Variants in WDR4 observed in about 807,000 individuals in gnomAD.
The protein encoded by WDR4 is WDR4 tRNA N7-guanosine methyltransferase non-catalytic subunit, also known as tRNA (guanine-N(7)-)-methyltransferase non-catalytic subunit WDR4.
In WDR4, 47 loss-of-function variants were observed where a neutral mutation model predicts 48.6. The observed-to-expected ratio is 0.97, with a 90% CI of 0.77 to 1.23. The LOEUF (loss-of-function observed/expected upper bound fraction) is 1.23, where lower values mean the gene tolerates loss of function less well. Ranked by LOEUF, WDR4 falls within the 50% of genes most tolerant of loss-of-function variation. The probability of loss-of-function intolerance (pLI) is 0.00; values close to 1 mark genes in which losing one functional copy is unlikely to be tolerated. For missense variants in WDR4, 606 were observed against 551.6 expected (o/e 1.10, Z -0.99); for synonymous variants, 268 against 230.0 (o/e 1.17, Z -1.49).
Position 42,855,571 on chromosome 21 carries a change from C to G in WDR4, c.726+111G>C, listed in dbSNP as rs1223779582. 4.0e-6 allele frequency: 3 copies of G among 752,714 alleles called. No homozygotes were observed. In the African/African-American group the frequency reaches 5.3e-5, roughly 13 times the overall value. 46.6% of individuals were successfully genotyped at this position (752,714 alleles called of 1,614,324 possible). ...AGATTTCCCTCACACAGGAGGAAGT[C>G]TGGCATTGAGAGCAAACGTTTCCAA... On this transcript the variant is annotated intron_variant, in intron 7 of 10. Coordinates refer to ENST00000398208, the MANE Select transcript of WDR4 (RefSeq NM_018669.6).
chr21:42,877,932 C>T (rs994835980), intron 1 of WDR4, among the ~76,000 whole-genome samples: 3 of 151,120 alleles, frequency 2.0e-5, no homozygotes, highest in Admixed American at 2.0e-4. Context: ...GCAGTCCCAA[C>T]TACTCGGGAG....
upstream of WDR4, chr21:42,879,604 G>A (rs373733965): frequency 7.4e-7 from 1 of 1,357,198 alleles, no homozygotes; most frequent in Admixed American, 2.0e-5. Context: ...TATACCCCAC[G>A]TACCGCGCAT....
intron 3 of WDR4, among the ~76,000 whole-genome samples, chr21:42,866,960 G>A (rs536018440): frequency 2.8e-4 from 43 of 152,282 alleles, no homozygotes; most frequent in African/African-American, 1.0e-3. Context: ...CCAAGGTCAG[G>A]AGAAACCCCA....
At chr21:42,885,339 G>A in the WDR4 span, among the ~76,000 whole-genome samples, 1,625 of 152,116 alleles carry the variant, frequency 0.011, 18 homozygotes, top group African/African-American at 0.036. Context: ...GGCCTGGCAC[G>A]GTGGCTCATG....
intron 6 of WDR4, 114 bp downstream of exon 6, chr21:42,859,548 C>T: frequency 7.7e-6 from 10 of 1,294,208 alleles, no homozygotes; most frequent in Non-Finnish European, 1.1e-5. Context: ...TAGTGGACAG[C>T]CACAGCCAGC....
intron 9 of WDR4, among the ~76,000 whole-genome samples, chr21:42,852,896 C>T (rs1216302678): frequency 6.8e-6 from 1 of 146,206 alleles, no homozygotes; most frequent in East Asian, 2.0e-4. Flanking sequence ...GCCTGGGCAA[C>T]ACGAGCAAAA....
the WDR4 span, among the ~76,000 whole-genome samples, chr21:42,884,903 G>A: frequency 6.6e-6 from 1 of 152,014 alleles, no homozygotes; most frequent in Admixed American, 6.6e-5. Flanking sequence ...AGCCTCCCAA[G>A]TAGCTGGGAT....
At position 42,858,207 on chromosome 21, in the gene WDR4, C is replaced by T. The variant is rs8129071; in HGVS notation, c.627+1455G>A. 5.9e-5 allele frequency among the ~76,000 whole-genome samples: 9 copies of T among 152,184 alleles called. No individual in the cohort carries two copies. In the East Asian group the frequency reaches 9.7e-4, roughly 16 times the overall value. The stretch of plus-strand genomic sequence containing the variant: ...AATCATGTAAGAAAATGCCCCAGGT[C>T]GGAGGACACTGAAAATCACTGGCTG... On this transcript the variant is annotated intron_variant, in intron 6 of 10. Coordinates refer to ENST00000398208, the MANE Select transcript of WDR4 (RefSeq NM_018669.6).
rs542289921 is a variant in WDR4 at position 42,858,694 on chromosome 21, C to A, written c.627+968G>T. On this transcript the variant is annotated intron_variant, in intron 6 of 10. Coordinates refer to ENST00000398208, the MANE Select transcript of WDR4 (RefSeq NM_018669.6). ...AAAAGACTGGAAGGTGCACAACAAA[C>A]CGCTGACGAAGCCTGACCCTGACCC... Among the ~76,000 whole-genome samples, 22 of 152,288 alleles carry A rather than the reference C, an allele frequency of 1.4e-4. 1 individual carries two copies. The South Asian group carries it at 2.1e-3, about 14-fold the overall frequency.
Position 42,862,273 on chromosome 21 carries a change from G to C in WDR4, c.566+9C>G. On this transcript the variant is annotated intron_variant, in intron 5 of 10. Transcript: ENST00000398208. This position sits in a 1 kb window ranked among gnomAD's most constrained non-coding sequence, Gnocchi z 4.3. ...TCTTTCTGCTGGAGGGGCAGGAAGGGGCACTCACTCTGTGTGCCCCAAGCA... is the reference window on the plus strand; with the variant it reads ...TCTTTCTGCTGGAGGGGCAGGAAGGCGCACTCACTCTGTGTGCCCCAAGCA... 6.3e-7 allele frequency: 1 copy of C among 1,597,578 alleles called. No homozygotes were observed. The highest frequency in any genetic ancestry group is 8.5e-7 in the Non-Finnish European group (1 of 1,172,308).
chr21:42,863,068 C>T (rs1434413827), intron 4 of WDR4, among the ~76,000 whole-genome samples: 1 of 152,136 alleles, frequency 6.6e-6, no homozygotes, highest in Non-Finnish European at 1.5e-5. Context: ...TCCTCCCACA[C>T]CTTCACTTCC....
At chr21:42,859,552 A>G (rs2146033317) in intron 6 of WDR4, 110 bp downstream of exon 6, 6 of 625,454 alleles carry the variant, frequency 9.6e-6, no homozygotes, top group Non-Finnish European at 1.5e-5. Flanking sequence ...GGACAGCCAC[A>G]GCCAGCCAGG....
At chr21:42,855,883 A>G in intron 6 of WDR4, 103 bp from the exon 7 acceptor site, 1 of 805,810 alleles carries the variant, frequency 1.2e-6, no homozygotes, top group Non-Finnish European at 1.8e-6. Flanking sequence ...ACTCCGTGAC[A>G]GCCATGCCAC....
chr21:42,856,140 C>T (rs1409870266), intron 6 of WDR4, among the ~76,000 whole-genome samples: 1 of 152,206 alleles, frequency 6.6e-6, no homozygotes, highest in Non-Finnish European at 1.5e-5. Context: ...TAGACACGGG[C>T]ATGCACACAG....
the WDR4 span, among the ~76,000 whole-genome samples, chr21:42,884,842 T>TC: frequency 1.3e-5 from 2 of 151,790 alleles, no homozygotes; most frequent in African/African-American, 4.8e-5. Context: ...AATGGTGCAA[T>TC]CCAGCTCACT....
At chr21:42,857,780 G>A (rs1335423554) in intron 6 of WDR4, among the ~76,000 whole-genome samples, 3 of 143,742 alleles carry the variant, frequency 2.1e-5, no homozygotes, top group Non-Finnish European at 4.5e-5. Flanking sequence ...GTAGAAATAC[G>A]AGATTGAACA....
At position 42,875,612 on chromosome 21, in the gene WDR4, G is replaced by C. The variant is rs1031383642; in HGVS notation, c.155+1090C>G. ...AGTCCCAGGTACTTAGGGGGATGAG[G>C]CGGGAGATCACCTGAACCCAGGAGG... On this transcript the variant is annotated intron_variant, in intron 2 of 10. Transcript: ENST00000398208. Among the ~76,000 whole-genome samples, 49 of 152,284 alleles carry C rather than the reference G, an allele frequency of 3.2e-4. 1 individual carries two copies. The highest frequency in any genetic ancestry group is 1.2e-3 in the Admixed American group (18 of 15,296).
intron 3 of WDR4, among the ~76,000 whole-genome samples, chr21:42,872,783 A>T (rs2058401858): frequency 6.6e-6 from 1 of 151,970 alleles, no homozygotes; most frequent in African/African-American, 2.4e-5. Context: ...TAAAAATACA[A>T]AAAATTAGCC....
Position 42,854,597 on chromosome 21 carries a change from C to T in WDR4, c.756G>A (p.Trp252Ter), listed in dbSNP as rs1458362770. The change falls in exon 8 of 11, where the codon TGG becomes TGA. Residue 252 changes from tryptophan (W) to a stop codon, truncating the protein, a stop_gained. Transcript: ENST00000398208. LOFTEE classifies it high-confidence loss of function. The stretch of plus-strand genomic sequence containing the variant: ...GGAGCGCCACGCAGTTCTCCTGGCA[C>T]CAGAATGCAATCCTGGACGCGGCAA... ...QKFAASRIAF[W>*]CQENCVALLC... 6.2e-7 allele frequency: 1 copy of T among 1,613,876 alleles called. No homozygotes were observed. Among genetic ancestry groups the T allele is most frequent in the Non-Finnish European group, 8.5e-7 (1 of 1,179,960 alleles).
Sources: allele counts gnomAD v4.1 joint callset (sites outside exome capture counted in the v4.1 genomes callset), GRCh38; gene constraint gnomAD v4.1.1; non-coding constraint Gnocchi (gnomAD v3.1); transcripts MANE v1.5; gene names NCBI Gene and HGNC (gene_info 2026-07-23, HGNC 2026-07-21).